Variants in PLSCR2 observed in about 807,000 individuals in gnomAD.
The protein encoded by PLSCR2 is phospholipid scramblase 2.
In PLSCR2, 18 loss-of-function variants were observed where a neutral mutation model predicts 25.3. The ratio of observed to expected loss-of-function variants is 0.71; its 90% CI spans 0.49 to 1.06. PLSCR2 has a LOEUF of 1.06. PLSCR2 is among the 50% of genes least tolerant of loss of function. The pLI is 0.00. For synonymous variants in PLSCR2, 88 were observed against 87.3 expected (o/e 1.01, Z -0.04); for missense variants, 243 against 269.5 (o/e 0.90, Z 0.69).
At chr3:146,448,350 ATC>A (rs1428282753) in intron 6 of PLSCR2, among the ~76,000 whole-genome samples, 1 of 152,116 alleles carries the variant, frequency 6.6e-6, no homozygotes. Context: ...GCTGTATATT[ATC>A]TGTTAAGGTT....
chr3:146,404,958 T>C (rs2038613286), intron 2 of PLSCR2, among the ~76,000 whole-genome samples: 1 of 152,166 alleles, frequency 6.6e-6, no homozygotes, highest in African/African-American at 2.4e-5. Flanking sequence ...TGGGGATGTT[T>C]GACCCTTAAG....
At chr3:146,457,227 G>A (rs2108382469) in intron 3 of PLSCR2, among the ~76,000 whole-genome samples, 1 of 152,288 alleles carries the variant, frequency 6.6e-6, no homozygotes, top group South Asian at 2.1e-4. Flanking sequence ...ACTGCAGTAT[G>A]CAAAAATGAA....
intron 3 of PLSCR2, among the ~76,000 whole-genome samples, chr3:146,394,297 C>T (rs372359910): frequency 1.1e-4 from 16 of 151,414 alleles, no homozygotes; most frequent in South Asian, 2.1e-4. Flanking sequence ...GATGGAGTTT[C>T]GCTCTTGTTG....
chr3:146,438,507 G>T (rs1427328097), downstream of PLSCR2, among the ~76,000 whole-genome samples: 10 of 152,062 alleles, frequency 6.6e-5, no homozygotes, highest in African/African-American at 1.2e-4. Flanking sequence ...CTTGTTGAAT[G>T]GATCCCTTTA....
intron 1 of PLSCR2, among the ~76,000 whole-genome samples, chr3:146,471,885 C>T (rs2042132469): frequency 6.6e-6 from 1 of 152,174 alleles, no homozygotes; most frequent in Admixed American, 6.5e-5. Flanking sequence ...CTTTTGCCTA[C>T]TGTGTCTCTG....
At chr3:146,455,431 C>G (rs1441535291) in exon 4 of PLSCR2, 1 of 1,610,466 alleles carries the variant, frequency 6.2e-7, no homozygotes, top group Non-Finnish European at 8.5e-7. Context: ...TGATTTCATA[C>G]ATGTTACTAC....
chr3:146,417,881 A>T (rs1348734138), intron 2 of PLSCR2, among the ~76,000 whole-genome samples: 2 of 152,176 alleles, frequency 1.3e-5, no homozygotes, highest in African/African-American at 2.4e-5. Context: ...AGTATCAATT[A>T]AAAAAATCAA....
intron 2 of PLSCR2, among the ~76,000 whole-genome samples, chr3:146,415,764 T>C (rs951550167): frequency 6.6e-6 from 1 of 152,148 alleles, no homozygotes; most frequent in African/African-American, 2.4e-5. Context: ...TAAACTTTGA[T>C]TTAATTGTAT....
chr3:146,466,875 T>C (rs1031326381), intron 1 of PLSCR2, among the ~76,000 whole-genome samples: 1 of 152,190 alleles, frequency 6.6e-6, no homozygotes, highest in African/African-American at 2.4e-5. Flanking sequence ...CAAATTTCAG[T>C]GAAAGTTGTT....
chr3:146,439,180 T>C (rs1007122907), downstream of PLSCR2, among the ~76,000 whole-genome samples: 3 of 152,178 alleles, frequency 2.0e-5, no homozygotes, highest in Non-Finnish European at 2.9e-5. Context: ...GTGGGTAACC[T>C]GACCTTTCTC....
chr3:146,459,888 G>A (rs1481937379), exon 2 of PLSCR2: 4 of 1,613,808 alleles, frequency 2.5e-6, no homozygotes, highest in Admixed American at 1.7e-5. Flanking sequence ...GTTTAATGGT[G>A]GTGGTGGTGC....
chr3:146,489,112 A>G (rs1316833833), intron 1 of PLSCR2, among the ~76,000 whole-genome samples: 1 of 152,156 alleles, frequency 6.6e-6, no homozygotes, highest in Non-Finnish European at 1.5e-5. Flanking sequence ...TGGGAGCTCA[A>G]CAATGAGAGC....
chr3:146,408,680 G>A (rs2038738235), intron 2 of PLSCR2, among the ~76,000 whole-genome samples: 1 of 152,032 alleles, frequency 6.6e-6, no homozygotes, highest in Admixed American at 6.6e-5. Flanking sequence ...TATTTTCGGG[G>A]GCTCCCAGGT....
intron 8 of PLSCR2, among the ~76,000 whole-genome samples, chr3:146,434,567 G>T (rs964650799): frequency 2.6e-5 from 4 of 151,712 alleles, no homozygotes; most frequent in East Asian, 1.9e-4. Context: ...ATATAATTTT[G>T]CCCTGAAAAT....
intron 1 of PLSCR2, among the ~76,000 whole-genome samples, chr3:146,468,835 C>T (rs2041982248): frequency 6.6e-6 from 1 of 152,284 alleles, no homozygotes; most frequent in South Asian, 2.1e-4. Context: ...CTCACATTCT[C>T]CCAATGTGCC....
intron 2 of PLSCR2, among the ~76,000 whole-genome samples, chr3:146,408,083 G>A (rs73868803): frequency 0.014 from 2,095 of 152,260 alleles, 50 homozygotes; most frequent in African/African-American, 0.048. Context: ...TTGAAGTAAA[G>A]TCTCTACAGC....
At chr3:146,491,621 T>C (rs2043555501) in intron 1 of PLSCR2, among the ~76,000 whole-genome samples, 1 of 152,210 alleles carries the variant, frequency 6.6e-6, no homozygotes, top group Non-Finnish European at 1.5e-5. Flanking sequence ...AGATTCTTAC[T>C]TCAGTTCATT....
chr3:146,409,754 G>T (rs1226028792), intron 2 of PLSCR2, among the ~76,000 whole-genome samples: 3 of 152,116 alleles, frequency 2.0e-5, no homozygotes, highest in African/African-American at 4.8e-5. Context: ...CTGGGAGGAA[G>T]TGTTTCCTAT....
chr3:146,458,370 C>T (rs149518883), intron 3 of PLSCR2, 41 bp downstream of exon 3: 3 of 1,450,316 alleles, frequency 2.1e-6, no homozygotes, highest in South Asian at 1.3e-5. Context: ...GCATAAACTT[C>T]TTCTCTTTTT....
Sources: gnomAD v4.1 joint callset for allele counts (sites outside exome capture counted in the v4.1 genomes callset) on GRCh38, gnomAD v4.1.1 for gene constraint, MANE v1.5 for transcripts, NCBI Gene and HGNC (gene_info 2026-07-23, HGNC 2026-07-21) for gene names.